The following DENND2B variants were observed in gnomAD, a reference collection of about 807,000 sequenced individuals.
DENND2B encodes the protein DENN domain containing 2B, also known as DENN domain-containing protein 2B.
In DENND2B, 32 loss-of-function variants were observed where a neutral mutation model predicts 116.0. The observed-to-expected ratio is 0.28, with a 90% CI of 0.21 to 0.37. DENND2B has a LOEUF of 0.37. DENND2B is among the 10% of genes least tolerant of loss of function. DENND2B has a pLI of 1.00. For missense variants in DENND2B, 1,276 were observed against 1,477.7 expected (o/e 0.86, Z 2.24); for synonymous variants, 588 against 583.9 (o/e 1.01, Z -0.10).
intron 1 of DENND2B, chr11:8,910,752 G>T (rs1017157074): frequency 1.3e-5 from 2 of 150,148 alleles, no homozygotes; most frequent in South Asian, 2.1e-4. Flanking sequence ...ACGGGTTCTC[G>T]CTATGTTGCC....
At chr11:8,851,543 G>A (rs2063008202) in intron 3 of DENND2B, among the ~76,000 whole-genome samples, 1 of 152,162 alleles carries the variant, frequency 6.6e-6, no homozygotes, top group African/African-American at 2.4e-5. Flanking sequence ...CACGCTAGTA[G>A]AAGTGTACAG....
Position 8,715,596 on chromosome 11 carries a change from A to C in DENND2B, c.1845+7T>G, listed in dbSNP as rs745690648. On this transcript the variant is annotated splice_region_variant and intron_variant, in intron 6 of 19. Coordinates refer to ENST00000313726, the MANE Select transcript of DENND2B (RefSeq NM_213618.2). ...CGGCTCCAGTGGGCTGCCTCTGGGG[A>C]GGGTACCTTGGGAATGCGGCGGGCC... 1.6e-5 allele frequency: 26 copies of C among 1,611,006 alleles called. No homozygotes were observed. In the African/African-American group the frequency reaches 2.7e-4, roughly 17 times the overall value.
chr11:8,834,220 C>T (rs2062329030), intron 4 of DENND2B, among the ~76,000 whole-genome samples: 2 of 152,212 alleles, frequency 1.3e-5, no homozygotes, highest in South Asian at 4.1e-4. Flanking sequence ...TTCTATTTTC[C>T]TGAACTGTTC....
At chr11:8,795,213 T>C (rs768000768) in intron 1 of DENND2B, among the ~76,000 whole-genome samples, 1 of 152,350 alleles carries the variant, frequency 6.6e-6, no homozygotes, top group South Asian at 2.1e-4. Context: ...ATTGAGAGCA[T>C]GGACCTTTAC....
intron 3 of DENND2B, among the ~76,000 whole-genome samples, chr11:8,849,277 G>C (rs2062919606): frequency 1.3e-5 from 2 of 151,928 alleles, no homozygotes; most frequent in Non-Finnish European, 2.9e-5. Flanking sequence ...TGGATAGCCT[G>C]AGGTAAGGAG....
At chr11:8,904,304 A>G (rs1441029170) in intron 1 of DENND2B, among the ~76,000 whole-genome samples, 1 of 152,230 alleles carries the variant, frequency 6.6e-6, no homozygotes, top group African/African-American at 2.4e-5. Flanking sequence ...GACATACAAA[A>G]AACGTCTGAA....
intron 2 of DENND2B, among the ~76,000 whole-genome samples, 165 bp from the exon 3 acceptor site, chr11:8,731,374 G>A (rs921014292): frequency 2.0e-5 from 3 of 152,186 alleles, no homozygotes; most frequent in African/African-American, 7.2e-5. Context: ...TCTTCAAGGA[G>A]AGCAATAGCT....
intron 11 of DENND2B, among the ~76,000 whole-genome samples, chr11:8,709,657 C>G (rs1164127407): frequency 1.3e-5 from 2 of 152,192 alleles, no homozygotes; most frequent in African/African-American, 2.4e-5. Flanking sequence ...TCCAAGAGTA[C>G]AAATTGGTGA....
intron 1 of DENND2B, among the ~76,000 whole-genome samples, chr11:8,771,102 A>G (rs2056767877): frequency 6.6e-6 from 1 of 152,196 alleles, no homozygotes; most frequent in Non-Finnish European, 1.5e-5. Flanking sequence ...GCCCCATACT[A>G]GAGGCTTTTC....
chr11:8,811,121 T>A (rs1028683595), upstream of DENND2B: 2 of 394,130 alleles, frequency 5.1e-6, no homozygotes, highest in African/African-American at 4.1e-5. Flanking sequence ...GTCCTGGAGC[T>A]CGGGTAGGAG....
At position 8,701,301 on chromosome 11, in the gene DENND2B, C is replaced by T. The variant is rs2041562937; in HGVS notation, c.2720+1271G>A. Reference sequence around the variant, plus strand: ...CCACGTGTGTAGAACATCAGGCGCCCTACATTCGCATATTAAAAGGCTAGG... The same window carrying T: ...CCACGTGTGTAGAACATCAGGCGCCTTACATTCGCATATTAAAAGGCTAGG... On this transcript the variant is annotated intron_variant, in intron 14 of 19. Transcript: ENST00000313726. 2.2e-5 allele frequency among the ~76,000 whole-genome samples: 3 copies of T among 136,814 alleles called. No homozygotes were observed. In the Admixed American group the frequency reaches 2.6e-4, roughly 12 times the overall value. The allele number at this position is 136,814 out of a possible 152,430, so 89.8% of individuals were successfully genotyped here.
intron 1 of DENND2B, among the ~76,000 whole-genome samples, chr11:8,799,541 T>G (rs2060128248): frequency 6.6e-6 from 1 of 150,490 alleles, no homozygotes; most frequent in Admixed American, 6.7e-5. Flanking sequence ...CTCACACTCA[T>G]GTACCATCCT....
intron 1 of DENND2B, among the ~76,000 whole-genome samples, chr11:8,755,897 G>A (rs888377212): frequency 2.6e-5 from 4 of 152,316 alleles, no homozygotes; most frequent in Middle Eastern, 3.4e-3. Flanking sequence ...GCTCTAGTGA[G>A]ATACTCTCTA....
intron 1 of DENND2B, among the ~76,000 whole-genome samples, chr11:8,901,396 AT>A (rs1234750142): frequency 1.3e-5 from 2 of 150,712 alleles, no homozygotes; most frequent in African/African-American, 4.9e-5. Context: ...CATCTGGCTA[AT>A]TTTTGTATTT....
chr11:8,741,971 G>T (rs1169599221), intron 2 of DENND2B, among the ~76,000 whole-genome samples: 2 of 152,200 alleles, frequency 1.3e-5, no homozygotes, highest in East Asian at 3.8e-4. Context: ...GCTCACTGAA[G>T]CCTGGAATTC....
chr11:8,908,081 C>T (rs1326716214), intron 1 of DENND2B, among the ~76,000 whole-genome samples: 3 of 152,110 alleles, frequency 2.0e-5, no homozygotes, highest in East Asian at 1.9e-4. Context: ...ACTGAACACC[C>T]GCTACTTAAC....
chr11:8,780,983 C>T lies in DENND2B; in HGVS notation c.-26+29534G>A, dbSNP rs71475002. On this transcript the variant is annotated intron_variant, in intron 1 of 19. Transcript: ENST00000313726. ...AGAGCCAGCTCTTGGGAGGGGACAG[C>T]GAAGGAGTGGGAGGTGGAAACAGAC... 3.9e-3 allele frequency among the ~76,000 whole-genome samples: 593 copies of T among 151,934 alleles called. 6 individuals carry two copies. The highest frequency in any genetic ancestry group is 6.0e-3 in the Non-Finnish European group (406 of 67,952).
At chr11:8,806,640 C>CACACACACA (rs1555201307) in intron 1 of DENND2B, among the ~76,000 whole-genome samples, 6 of 9,304 alleles carry the variant, frequency 6.4e-4, no homozygotes, top group Non-Finnish European at 3.0e-3. Context: ...ACACACACAC[C>CACACACACA]CAGGAGAGCT....
At chr11:8,800,701 T>C (rs1035138097) in intron 1 of DENND2B, among the ~76,000 whole-genome samples, 1 of 152,318 alleles carries the variant, frequency 6.6e-6, no homozygotes, top group African/African-American at 2.4e-5. Flanking sequence ...CAACAAGAGA[T>C]AACAACAAAG....
Sources: gnomAD v4.1 joint callset for allele counts (sites outside exome capture counted in the v4.1 genomes callset) on GRCh38, gnomAD v4.1.1 for gene constraint, MANE v1.5 for transcripts, NCBI Gene and HGNC (gene_info 2026-07-23, HGNC 2026-07-21) for gene names.